The following DSCAML1 variants were observed in gnomAD, a reference collection of about 807,000 sequenced individuals.
DSCAML1 encodes DS cell adhesion molecule like 1, also known as cell adhesion molecule DSCAML1.
In DSCAML1, 38 loss-of-function variants were observed where a neutral mutation model predicts 200.5. The ratio of observed to expected loss-of-function variants is 0.19; its 90% confidence interval spans 0.15 to 0.25. DSCAML1 has a LOEUF of 0.25. Ranked by LOEUF, DSCAML1 falls within the 10% of genes least tolerant of loss-of-function variation. The pLI, the probability that DSCAML1 is intolerant of heterozygous loss-of-function variation, is 1.00. For missense variants in DSCAML1, 2,223 were observed against 2,858.8 expected (o/e 0.78, Z 5.07); for synonymous variants, 1,215 against 1,165.0 (o/e 1.04, Z -0.87).
At chr11:117,511,950 T>C (rs1003987675) in intron 8 of DSCAML1, among the ~76,000 whole-genome samples, 5 of 152,210 alleles carry the variant, frequency 3.3e-5, no homozygotes, top group African/African-American at 1.2e-4. Flanking sequence ...TGTGCAGGCA[T>C]GTTGGGCGTG....
chr11:117,739,489 C>T (rs1247484779), intron 3 of DSCAML1, among the ~76,000 whole-genome samples: 1 of 152,234 alleles, frequency 6.6e-6, no homozygotes, highest in Non-Finnish European at 1.5e-5. Flanking sequence ...GATAAAAGGA[C>T]TTTAATCCCA....
In DSCAML1 at chr11:117,450,071, C is replaced by A. The variant is rs537088056; in HGVS notation, c.3708+478G>T. On this transcript the variant is annotated intron_variant, in intron 20 of 32. Transcript: ENST00000651296. ...AGGCCCTGGTCGAGAGACGCCTGTG[C>A]CTTCTCTCGGCTTTCCCCCGTCTTT... Among the ~76,000 whole-genome samples the A allele has an allele frequency of 2.6e-5, 4 of 152,358 alleles. No homozygotes were observed. In the South Asian group the frequency reaches 8.3e-4, roughly 32 times the overall value.
intron 3 of DSCAML1, among the ~76,000 whole-genome samples, chr11:117,692,840 G>T (rs564828068): frequency 6.6e-6 from 1 of 152,182 alleles, no homozygotes; most frequent in African/African-American, 2.4e-5. Flanking sequence ...GAAACCGGTT[G>T]TTCTACAGCT....
intron 3 of DSCAML1, among the ~76,000 whole-genome samples, chr11:117,585,796 C>T (rs1379915833): frequency 6.6e-6 from 1 of 152,190 alleles, no homozygotes; most frequent in African/African-American, 2.4e-5. Flanking sequence ...GGGACCCACT[C>T]ACTCCTGGAG....
chr11:117,547,602 C>T (rs191101503), intron 3 of DSCAML1, among the ~76,000 whole-genome samples: 151 of 152,310 alleles, frequency 9.9e-4, no homozygotes, highest in African/African-American at 3.4e-3. Flanking sequence ...GCCTGGCCCT[C>T]ATGGAGCCCT....
intron 3 of DSCAML1, among the ~76,000 whole-genome samples, chr11:117,542,366 G>T (rs2050288716): frequency 6.7e-6 from 1 of 149,680 alleles, no homozygotes; most frequent in Admixed American, 6.6e-5. Flanking sequence ...AAAAAAAACA[G>T]TGCAGGCGAT....
chr11:117,704,956 G>A (rs2053733386), intron 3 of DSCAML1, among the ~76,000 whole-genome samples: 1 of 152,148 alleles, frequency 6.6e-6, no homozygotes, highest in Non-Finnish European at 1.5e-5. Context: ...GGCGAAGGCA[G>A]TGAGCTAAGT....
intron 3 of DSCAML1, among the ~76,000 whole-genome samples, chr11:117,677,177 C>T (rs1382538267): frequency 6.6e-6 from 1 of 152,186 alleles, no homozygotes; most frequent in Admixed American, 6.5e-5. Context: ...CTCATGGTCT[C>T]AGAATTTCTT....
intron 1 of DSCAML1, among the ~76,000 whole-genome samples, chr11:117,813,449 T>C (rs1055628503): frequency 1.3e-5 from 2 of 152,214 alleles, no homozygotes; most frequent in African/African-American, 4.8e-5. Flanking sequence ...ACAGCTGATA[T>C]CTCCTCGTGC....
intron 3 of DSCAML1, among the ~76,000 whole-genome samples, chr11:117,591,740 G>A (rs1360541258): frequency 6.6e-6 from 1 of 152,202 alleles, no homozygotes; most frequent in Non-Finnish European, 1.5e-5. Flanking sequence ...TTCTGTCACA[G>A]ATGCCCCAGG....
intron 3 of DSCAML1, among the ~76,000 whole-genome samples, chr11:117,751,965 G>T (rs1331266182): frequency 2.0e-5 from 3 of 152,212 alleles, no homozygotes; most frequent in African/African-American, 7.2e-5. Flanking sequence ...GATGTAATTT[G>T]TTAAAAGGAT....
intron 3 of DSCAML1, among the ~76,000 whole-genome samples, chr11:117,541,275 G>A (rs1025216112): frequency 1.3e-5 from 2 of 152,136 alleles, no homozygotes; most frequent in East Asian, 1.9e-4. Flanking sequence ...TGTGTCCCTC[G>A]TCCCTGCCCA....
chr11:117,740,539 C>T (rs1316574690), intron 3 of DSCAML1, among the ~76,000 whole-genome samples: 1 of 152,160 alleles, frequency 6.6e-6, no homozygotes, highest in Non-Finnish European at 1.5e-5. Flanking sequence ...TACAAGACTC[C>T]ATTTCCAGTC....
intron 11 of DSCAML1, among the ~76,000 whole-genome samples, chr11:117,487,333 A>T (rs1475114346): frequency 6.6e-6 from 1 of 152,130 alleles, no homozygotes; most frequent in Non-Finnish European, 1.5e-5. Flanking sequence ...TGAACATGTG[A>T]CAGAGAGGGG....
intron 3 of DSCAML1, among the ~76,000 whole-genome samples, chr11:117,553,111 T>C (rs2050497958): frequency 1.3e-5 from 2 of 152,178 alleles, no homozygotes; most frequent in Non-Finnish European, 2.9e-5. Context: ...CATTTCTTCT[T>C]CAAACAGAAA....
intron 3 of DSCAML1, among the ~76,000 whole-genome samples, chr11:117,743,867 C>T (rs1257969818): frequency 1.3e-5 from 2 of 152,214 alleles, no homozygotes; most frequent in African/African-American, 4.8e-5. Context: ...GAAGGTGGTG[C>T]TCTCCACCCC....
Position 117,654,156 on chromosome 11 carries a change from TAGAGAC to T in DSCAML1, c.512-121640_512-121635del, listed in dbSNP as rs1224440065. On this transcript the variant is annotated intron_variant, in intron 3 of 32. Transcript: ENST00000651296. ...GAAATATCCAAAATAGGCAAATCTATAGAGACAGATTGGTGGTTGCTTAGGGACAGA... is the reference window on the plus strand; with the variant it reads ...GAAATATCCAAAATAGGCAAATCTATAGATTGGTGGTTGCTTAGGGACAGA... Among the ~76,000 whole-genome samples, 15 of 152,250 alleles carry T rather than the reference TAGAGAC, an allele frequency of 9.9e-5. No homozygotes were observed. The South Asian group carries it at 2.7e-3, about 27-fold the overall frequency.
At position 117,644,736 on chromosome 11, in the gene DSCAML1, C is replaced by T. The variant is rs534032165; in HGVS notation, c.512-112214G>A. Among the ~76,000 whole-genome samples the T allele has an allele frequency of 8.9e-4, 135 of 152,346 alleles. 1 individual carries two copies. The highest frequency in any genetic ancestry group is 3.1e-3 in the African/African-American group (129 of 41,588). On this transcript the variant is annotated intron_variant, in intron 3 of 32. Transcript: ENST00000651296. ...GGGGACCCCCCCTCTGGCAATGTTC[C>T]TCTGCACCAGGTGGAGCTGAAGGGG...
intron 3 of DSCAML1, among the ~76,000 whole-genome samples, chr11:117,596,514 G>T (rs1029474615): frequency 1.3e-5 from 2 of 152,164 alleles, no homozygotes; most frequent in East Asian, 3.9e-4. Flanking sequence ...CTATGTTTGG[G>T]TGAAATTCAA....
Sources: allele counts gnomAD v4.1 joint callset (sites outside exome capture counted in the v4.1 genomes callset), GRCh38; gene constraint gnomAD v4.1.1; transcripts MANE v1.5; gene names NCBI Gene and HGNC (gene_info 2026-07-23, HGNC 2026-07-21).